The following NUP214 variants were observed in gnomAD, a reference collection of about 807,000 sequenced individuals.
NUP214 encodes the protein nucleoporin 214, also known as nuclear pore complex protein Nup214.
A neutral mutation model predicts 196.2 loss-of-function variants in NUP214; 79 were observed. The observed-to-expected ratio is 0.40, with a 90% CI of 0.34 to 0.49. The LOEUF (loss-of-function observed/expected upper bound fraction) is 0.49, where lower values mean the gene tolerates loss of function less well. Ranked by LOEUF, NUP214 falls within the 20% of genes least tolerant of loss-of-function variation. The pLI is 0.58. For synonymous variants in NUP214, 1,020 were observed against 990.5 expected, an observed-to-expected ratio of 1.03 and a Z score of -0.56; for missense variants, 2,468 against 2,539.0, an observed-to-expected ratio of 0.97 and a Z score of 0.60.
Position 131,215,387 on chromosome 9 carries a change from T to C in NUP214, c.5749+19T>C, listed in dbSNP as rs1834362956. 10 of 1,559,346 alleles carry C rather than the reference T, an allele frequency of 6.4e-6. No individual in the cohort carries two copies. Among genetic ancestry groups the C allele is most frequent in the Non-Finnish European group, 7.8e-6 (9 of 1,153,716 alleles). Reference sequence around the variant, plus strand: ...ACCTCAAGTAAGTTGAGAAGACTTTTCCCAGTCCCTTGGTCCCCTAATGCC... The same window carrying C: ...ACCTCAAGTAAGTTGAGAAGACTTTCCCCAGTCCCTTGGTCCCCTAATGCC... On this transcript the variant is annotated intron_variant, in intron 31 of 35. Coordinates refer to ENST00000359428, the MANE Select transcript of NUP214 (RefSeq NM_005085.4).
intron 14 of NUP214, among the ~76,000 whole-genome samples, chr9:131,149,494 G>C (rs1286922595): frequency 6.7e-6 from 1 of 149,306 alleles, no homozygotes; most frequent in Non-Finnish European, 1.5e-5. Context: ...CCCCAGTCCA[G>C]GCTGGCGGGA....
At chr9:131,194,774 C>CT (rs1833727546) in intron 27 of NUP214, among the ~76,000 whole-genome samples, 1 of 152,212 alleles carries the variant, frequency 6.6e-6, no homozygotes, top group Non-Finnish European at 1.5e-5. Context: ...GTGGGGCTCT[C>CT]TGACATGCTT....
In NUP214 at chr9:131,197,503, C is replaced by G. The variant is rs764146317; in HGVS notation, c.4009C>G (p.Leu1337Val). Residue 1337 changes from leucine to valine, a missense_variant, in exon 29 of 36, where the codon CTG becomes GTG. This residue lies in a region of NUP214 where 1,801 missense variants were observed against 1,779.4 expected (regional missense o/e 1.01). Transcript: ENST00000359428. ...AGETLGSFSGLRVGQADDSTK... is the reference protein window; with the variant it reads ...AGETLGSFSGVRVGQADDSTK... The stretch of plus-strand genomic sequence containing the variant: ...AGAGACTCTGGGAAGTTTTTCAGGA[C>G]TGCGGGTTGGCCAAGCAGATGATTC... 1.2e-6 allele frequency: 2 copies of G among 1,614,192 alleles called. No homozygotes were observed. The highest frequency in any genetic ancestry group is 1.1e-5 in the South Asian group (1 of 91,082).
intron 34 of NUP214, among the ~76,000 whole-genome samples, chr9:131,231,702 T>C (rs569877169): frequency 1.4e-4 from 21 of 151,482 alleles, no homozygotes; most frequent in Non-Finnish European, 1.2e-4. Context: ...CTTCTTCAGA[T>C]GGCAGAATAT....
At chr9:131,221,685 A>G (rs1342478427) in intron 31 of NUP214, among the ~76,000 whole-genome samples, 1 of 152,070 alleles carries the variant, frequency 6.6e-6, no homozygotes, top group Non-Finnish European at 1.5e-5. Flanking sequence ...CCCAGTGATT[A>G]CCCAGAGCAT....
At chr9:131,230,814 C>T in intron 34 of NUP214, 45 bp downstream of exon 34, 1 of 1,587,388 alleles carries the variant, frequency 6.3e-7, no homozygotes, top group Non-Finnish European at 8.6e-7. Context: ...ATGGGTCCCT[C>T]TTGCCTTCTC....
chr9:131,162,191 C>G (rs576890805), intron 18 of NUP214, among the ~76,000 whole-genome samples: 1 of 152,286 alleles, frequency 6.6e-6, no homozygotes, highest in East Asian at 1.9e-4. Flanking sequence ...GAATTCAGCT[C>G]TACTGTAATC....
chr9:131,230,671 C>T lies in NUP214; in HGVS notation c.6116C>T (p.Ala2039Val), dbSNP rs1173824667. The part of the protein sequence containing the change: ...SSNTTSFGTL[A>V]SQNAPTFGSL... ...AACACCACATCCTTCGGCACGCTCG[C>T]GAGTCAGAATGCCCCCACTTTCGGA... Residue 2039 changes from alanine to valine, a missense_variant, in exon 34 of 36, where the codon GCG becomes GTG. Physicochemically the swap from Ala to Val is moderately conservative, Grantham distance 64. This residue lies in a region of NUP214 where 262 missense variants were observed against 296.5 expected (regional missense o/e 0.88). Transcript: ENST00000359428. The T allele has an allele frequency of 2.5e-5, 41 of 1,613,976 alleles. No individual in the cohort carries two copies. The highest frequency in any genetic ancestry group is 4.5e-5 in the East Asian group (2 of 44,894).
chr9:131,134,190 C>G (rs995474119), intron 7 of NUP214, among the ~76,000 whole-genome samples: 1 of 152,186 alleles, frequency 6.6e-6, no homozygotes, highest in African/African-American at 2.4e-5. Context: ...AAGCAGTTCT[C>G]CCGCCTCATC....
At position 131,150,730 on chromosome 9, in the gene NUP214, C is replaced by T. The variant is rs1832232817; in HGVS notation, c.2242C>T (p.His748Tyr). Residue 748 changes from histidine to tyrosine, a missense_variant, in exon 16 of 36, where the codon CAT (histidine) becomes TAT (tyrosine). Physicochemically the swap from His to Tyr is moderately conservative, Grantham distance 83. This residue lies in a region of NUP214 where 1,801 missense variants were observed against 1,779.4 expected (regional missense o/e 1.01). Coordinates refer to ENST00000359428, the MANE Select transcript of NUP214 (RefSeq NM_005085.4). ...KMLRTESDDL[H>Y]TFLLEIKETT... ...GCTGCGAACAGAATCAGATGACTTGCATACCTTTCTTTTGGAGATTAAAGA... is the reference window on the plus strand; with the variant it reads ...GCTGCGAACAGAATCAGATGACTTGTATACCTTTCTTTTGGAGATTAAAGA... The T allele has an allele frequency of 1.9e-6, 3 of 1,613,806 alleles. No individual in the cohort carries two copies.
At chr9:131,159,295 A>AT in intron 17 of NUP214, 88 bp from the exon 18 acceptor site, 1 of 835,364 alleles carries the variant, frequency 1.2e-6, no homozygotes, top group South Asian at 1.5e-5. Flanking sequence ...ATATAGAAGT[A>AT]TTTTAGAATT....
chr9:131,206,949 A>C (rs563012376), intron 30 of NUP214, among the ~76,000 whole-genome samples: 2 of 152,234 alleles, frequency 1.3e-5, no homozygotes, highest in East Asian at 3.9e-4. Context: ...GGTTTTTTCT[A>C]TGATGGCAGG....
intron 30 of NUP214, among the ~76,000 whole-genome samples, chr9:131,211,328 TTTC>T (rs769173915): frequency 6.6e-6 from 1 of 152,250 alleles, no homozygotes; most frequent in African/African-American, 2.4e-5. Flanking sequence ...TACATTTTGT[TTTC>T]TTGAATTAGG....
intron 18 of NUP214, among the ~76,000 whole-genome samples, chr9:131,160,577 A>G (rs1221775389): frequency 5.9e-5 from 9 of 152,184 alleles, no homozygotes; most frequent in African/African-American, 1.9e-4. Flanking sequence ...GAAATGTTAG[A>G]TTTCTGAAAC....
chr9:131,207,594 C>G (rs1834120667), intron 30 of NUP214, among the ~76,000 whole-genome samples: 1 of 152,236 alleles, frequency 6.6e-6, no homozygotes, highest in Non-Finnish European at 1.5e-5. Flanking sequence ...ATCACTTAGG[C>G]TGCATCCTCT....
intron 31 of NUP214, among the ~76,000 whole-genome samples, chr9:131,218,470 C>A (rs974093456): frequency 9.9e-5 from 15 of 152,206 alleles, no homozygotes; most frequent in African/African-American, 3.6e-4. Context: ...AGCACCACTT[C>A]TTTCCTGGAC....
chr9:131,150,284 C>G, intron 14 of NUP214, 40 bp from the exon 15 acceptor site: 2 of 1,566,934 alleles, frequency 1.3e-6, no homozygotes, highest in African/African-American at 1.3e-5. Context: ...CTTGTAGAAG[C>G]TATGACTTGC....
At chr9:131,129,229 G>T (rs1488721074) in intron 3 of NUP214, 50 bp from the exon 4 acceptor site, 2 of 1,430,888 alleles carry the variant, frequency 1.4e-6, no homozygotes. Flanking sequence ...AAATGTTTCT[G>T]CATTTACTAT....
At chr9:131,164,537 A>T (rs1357125643) in intron 21 of NUP214, 1 of 158,942 alleles carries the variant, frequency 6.3e-6, no homozygotes, top group African/African-American at 2.4e-5. Context: ...TGCATCTGGG[A>T]AAAAGGCATT....
Sources: gnomAD v4.1 joint callset for allele counts (sites outside exome capture counted in the v4.1 genomes callset) on GRCh38, gnomAD v4.1.1 for gene constraint, gnomAD v4.1.1 regional missense constraint, MANE v1.5 for transcripts, NCBI Gene and HGNC (gene_info 2026-07-23, HGNC 2026-07-21) for gene names.